PCDHA2: variants seen among roughly 807,000 people sequenced by gnomAD.
The protein encoded by PCDHA2 is protocadherin alpha 2.
Under a neutral mutation model 66.0 loss-of-function variants are expected in PCDHA2, and 58 were observed. That is an observed-to-expected ratio of 0.88 (90% CI 0.71 to 1.09). The LOEUF is 1.09. PCDHA2 is among the 50% of genes least tolerant of loss of function. PCDHA2 has a pLI of 0.00. For missense variants in PCDHA2, 1,267 were observed against 1,242.3 expected (o/e 1.02, Z -0.30); for synonymous variants, 634 against 554.0 (o/e 1.14, Z -2.03).
At chr5:140,932,709 A>G (rs2088560759) in intron 1 of PCDHA2, among the ~76,000 whole-genome samples, 1 of 151,956 alleles carries the variant, frequency 6.6e-6, no homozygotes, top group African/African-American at 2.4e-5. Context: ...TATAGACAAC[A>G]CAATAATATT....
Position 140,918,319 on chromosome 5 carries a change from A to T in PCDHA2, c.2389-60630A>T, listed in dbSNP as rs568659309. Among the ~76,000 whole-genome samples, 8 of 152,266 alleles carry T rather than the reference A, an allele frequency of 5.3e-5. No individual in the cohort carries two copies. In the South Asian group the frequency reaches 1.7e-3, roughly 32 times the overall value. ...GAATATAGGGTTTTCTAGGTATAAAATTATATTGTCTGCTAAGAGAGATAG... is the reference window on the plus strand; with the variant it reads ...GAATATAGGGTTTTCTAGGTATAAATTTATATTGTCTGCTAAGAGAGATAG... On this transcript the variant is annotated intron_variant, in intron 1 of 3. Coordinates refer to ENST00000526136, the MANE Select transcript of PCDHA2 (RefSeq NM_018905.3).
intron 1 of PCDHA2, among the ~76,000 whole-genome samples, chr5:140,908,583 T>C (rs1245727862): frequency 1.3e-5 from 2 of 152,088 alleles, no homozygotes; most frequent in Admixed American, 1.3e-4. Context: ...GGAGAGTAGT[T>C]AGCTGCAGAA....
intron 1 of PCDHA2, among the ~76,000 whole-genome samples, chr5:140,942,908 G>A (rs187574457): frequency 2.6e-5 from 4 of 151,726 alleles, no homozygotes; most frequent in African/African-American, 9.7e-5. Flanking sequence ...AAGAATAAGC[G>A]TGAAGAAAAA....
At chr5:140,966,425 G>A in intron 1 of PCDHA2, 1 of 421,678 alleles carries the variant, frequency 2.4e-6, no homozygotes, top group South Asian at 9.9e-5. Flanking sequence ...GACTTGCTGA[G>A]CCCTCCTACC....
intron 3 of PCDHA2, among the ~76,000 whole-genome samples, chr5:140,985,879 A>G (rs539308826): frequency 6.6e-6 from 1 of 151,504 alleles, no homozygotes; most frequent in Non-Finnish European, 1.5e-5. Context: ...AGCTGGGACT[A>G]CAGGCGCCCG....
At chr5:140,807,076 T>G in intron 1 of PCDHA2, 3 of 1,236,862 alleles carry the variant, frequency 2.4e-6, no homozygotes, top group Non-Finnish European at 3.4e-6. Context: ...CCATATACAC[T>G]CTTTGGAGTC....
At chr5:140,862,753 A>C (rs2047525211) in intron 1 of PCDHA2, 1 of 577,638 alleles carries the variant, frequency 1.7e-6, no homozygotes, top group Non-Finnish European at 3.3e-6. Context: ...GCACGCGGAG[A>C]GCGGCAAGAG....
chr5:140,802,755 CT>C, intron 1 of PCDHA2: 1 of 1,612,592 alleles, frequency 6.2e-7, no homozygotes, highest in Non-Finnish European at 8.5e-7. Flanking sequence ...GGTGTACGCG[CT>C]GCAGCCGCTG....
chr5:140,828,537 A>C, intron 1 of PCDHA2: 4 of 1,614,236 alleles, frequency 2.5e-6, no homozygotes, highest in Non-Finnish European at 3.4e-6. Context: ...AGGCTGCCAG[A>C]TTCTGTGTTT....
rs1563353899 is a variant in PCDHA2, at chr5:140,966,713, G to A, written c.2389-12236G>A. The A allele has an allele frequency of 4.3e-6, 6 of 1,392,826 alleles. No individual in the cohort carries two copies. The African/African-American group carries it at 9.1e-5, about 21-fold the overall frequency. 86.3% of individuals were successfully genotyped at this position (1,392,826 alleles called of 1,614,324 possible). ...CGGGGCCCGGGCGTGGGGCACGGCTGGGGAAGCTGCCGCCTCCGGCCCTGC... is the reference window on the plus strand; with the variant it reads ...CGGGGCCCGGGCGTGGGGCACGGCTAGGGAAGCTGCCGCCTCCGGCCCTGC... On this transcript the variant is annotated intron_variant, in intron 1 of 3. Transcript: ENST00000526136.
rs2067929537 is a variant in PCDHA2 at position 140,900,315 on chromosome 5, T to C, written c.2389-78634T>C. Among the ~76,000 whole-genome samples the C allele has an allele frequency of 2.0e-5, 3 of 152,186 alleles. No homozygotes were observed. The East Asian group carries it at 5.8e-4, about 29-fold the overall frequency. On this transcript the variant is annotated intron_variant, in intron 1 of 3. Transcript: ENST00000526136. ...GTTTTTTTAGACAGTCTCACTTTTG[T>C]CGCCCAGGCTGGAGTACCGTGGCGC...
chr5:140,987,293 T>C (rs2097246211), intron 3 of PCDHA2, among the ~76,000 whole-genome samples: 1 of 152,134 alleles, frequency 6.6e-6, no homozygotes, highest in African/African-American at 2.4e-5. Context: ...TAACAAGCCT[T>C]CTATGTGATA....
rs2150320431 is a variant in PCDHA2 at position 140,841,664 on chromosome 5, C to A, written c.2388+44312C>A. ...GGAGGTGATCGTGGACAGGCCGCTGCAGGTTTTCCATGTGGACGTGGAGGT... is the reference window on the plus strand; with the variant it reads ...GGAGGTGATCGTGGACAGGCCGCTGAAGGTTTTCCATGTGGACGTGGAGGT... On this transcript the variant is annotated intron_variant, in intron 1 of 3. Coordinates refer to ENST00000526136, the MANE Select transcript of PCDHA2 (RefSeq NM_018905.3). 3 of 1,613,958 alleles carry A rather than the reference C, an allele frequency of 1.9e-6. No homozygotes were observed. In the African/African-American group the frequency reaches 4.0e-5, roughly 22 times the overall value.
chr5:140,987,225 A>AT (rs1451600480), intron 3 of PCDHA2, among the ~76,000 whole-genome samples: 11 of 143,044 alleles, frequency 7.7e-5, no homozygotes, highest in Non-Finnish European at 1.0e-4. Context: ...AAAAAAAAAA[A>AT]AATAATAAAT....
chr5:140,805,216 T>G, intron 1 of PCDHA2: 4 of 1,417,732 alleles, frequency 2.8e-6, no homozygotes, highest in Non-Finnish European at 3.7e-6. Context: ...TAAACATTGT[T>G]TTCTATTCTG....
At chr5:140,822,968 C>A (rs2150120818) in intron 1 of PCDHA2, 1 of 1,614,232 alleles carries the variant, frequency 6.2e-7, no homozygotes, top group Non-Finnish European at 8.5e-7. Flanking sequence ...AAGCTGGTGT[C>A]CACCTTCAAG....
intron 1 of PCDHA2, chr5:140,822,279 A>G: frequency 6.2e-7 from 1 of 1,614,250 alleles, no homozygotes; most frequent in East Asian, 2.2e-5. Context: ...CACAATTGAG[A>G]TACAGGTTAA....
chr5:140,853,842 C>T lies in PCDHA2; in HGVS notation c.2388+56490C>T. On this transcript the variant is annotated intron_variant, in intron 1 of 3. Coordinates refer to ENST00000526136, the MANE Select transcript of PCDHA2 (RefSeq NM_018905.3). ...TTCTCATACAACCGAAATTTTAGATCCATAGCCCTATTTGATACTTGACAG... is the reference window on the plus strand; with the variant it reads ...TTCTCATACAACCGAAATTTTAGATTCATAGCCCTATTTGATACTTGACAG... 7.1e-6 allele frequency: 7 copies of T among 986,448 alleles called. 1 individual carries two copies. The highest frequency in any genetic ancestry group is 8.6e-6 in the Non-Finnish European group (7 of 818,538). The allele number at this position is 986,448 out of a possible 1,614,324, so 61.1% of individuals were successfully genotyped here. A position where few individuals can be genotyped will look rare whatever the true frequency, so the allele number is the denominator to read the frequency against.
intron 1 of PCDHA2, chr5:140,812,386 G>C (rs2126638126): frequency 6.6e-6 from 1 of 151,798 alleles, no homozygotes; most frequent in African/African-American, 2.4e-5. Context: ...TTTTTTCTTA[G>C]TCTAGCTAAG....
Sources: allele counts gnomAD v4.1 joint callset (sites outside exome capture counted in the v4.1 genomes callset), GRCh38; gene constraint gnomAD v4.1.1; transcripts MANE v1.5; gene names NCBI Gene and HGNC (gene_info 2026-07-23, HGNC 2026-07-21).